Variants in NRP1 observed in about 807,000 individuals in gnomAD.
NRP1 encodes the protein neuropilin 1, also known as neuropilin-1.
NRP1 carries 35 observed loss-of-function variants against 106.7 expected under a neutral mutation model. The ratio of observed to expected loss-of-function variants is 0.33; its 90% CI spans 0.25 to 0.43. NRP1 has a LOEUF of 0.43. Among genes scored for constraint, NRP1 ranks in the 20% least tolerant of loss-of-function variants. The pLI, the probability that NRP1 is intolerant of heterozygous loss-of-function variation, is 1.00. For missense variants in NRP1, 1,024 were observed against 1,170.4 expected (o/e 0.87, Z 1.83); for synonymous variants, 437 against 417.9 (o/e 1.05, Z -0.56).
At chr10:33,180,529 G>A (rs1007122686) in intron 16 of NRP1, among the ~76,000 whole-genome samples, 164 bp from the exon 17 acceptor site, 48 of 152,306 alleles carry the variant, frequency 3.2e-4, no homozygotes, top group African/African-American at 1.1e-3. Flanking sequence ...TGGTAGAGGG[G>A]AGTGGGCGCT....
Position 33,221,730 on chromosome 10 carries a change from C to A in NRP1, c.1271G>T (p.Cys424Phe), listed in dbSNP as rs1839255099. ...GISMRFEVYG[C>F]KITDYPCSGM... Reference sequence around the variant, plus strand: ...CTTCCACAGCTTACCTGTTATCTTGCAACCGTATACTTCAAATCTCATAGA... The same window carrying A: ...CTTCCACAGCTTACCTGTTATCTTGAAACCGTATACTTCAAATCTCATAGA... Residue 424 changes from cysteine (C) to phenylalanine (F), a missense_variant, in exon 8 of 17, where the codon TGC (cysteine) becomes TTC (phenylalanine). This residue lies in a region of NRP1 where 562 missense variants were observed against 620.3 expected (regional missense o/e 0.91). Coordinates refer to ENST00000374867, the MANE Select transcript of NRP1 (RefSeq NM_003873.7). The A allele has an allele frequency of 6.2e-7, 1 of 1,613,714 alleles. No individual in the cohort carries two copies. The highest frequency in any genetic ancestry group is 8.5e-7 in the Non-Finnish European group (1 of 1,179,748).
chr10:33,180,415 T>C (rs746236647), intron 16 of NRP1, 50 bp from the exon 17 acceptor site: 29 of 1,506,772 alleles, frequency 1.9e-5, no homozygotes, highest in Middle Eastern at 1.8e-4. Flanking sequence ...ACAGACCAGA[T>C]GAAAGCAGAC....
chr10:33,213,279 G>A (rs753604367), intron 9 of NRP1, 107 bp downstream of exon 9: 31 of 1,613,128 alleles, frequency 1.9e-5, no homozygotes, highest in Middle Eastern at 1.6e-4. Flanking sequence ...CTCCTCTAAT[G>A]TCATGGCTGG....
intron 1 of NRP1, 119 bp from the exon 2 acceptor site, chr10:33,331,001 G>T (rs1848246954): frequency 2.6e-6 from 2 of 772,566 alleles, no homozygotes; most frequent in South Asian, 2.1e-5. Context: ...ACTCTAAAAG[G>T]TCCCCGTAAG....
chr10:33,274,742 G>A (rs990773872), intron 2 of NRP1, among the ~76,000 whole-genome samples: 18 of 152,278 alleles, frequency 1.2e-4, no homozygotes, highest in African/African-American at 3.9e-4. Flanking sequence ...TAGGAAGGGG[G>A]ATTTGAGGTG....
At chr10:33,180,624 C>T (rs1835626977) in intron 16 of NRP1, among the ~76,000 whole-genome samples, 1 of 152,222 alleles carries the variant, frequency 6.6e-6, no homozygotes, top group African/African-American at 2.4e-5. Context: ...ACTCAGATTT[C>T]ATGCAGCCCC....
chr10:33,253,916 A>G (rs1168545347), intron 6 of NRP1, 112 bp downstream of exon 6: 7 of 911,196 alleles, frequency 7.7e-6, no homozygotes, highest in South Asian at 1.9e-5. Flanking sequence ...ATGGCCGTGA[A>G]CCTATCTTCT....
intron 2 of NRP1, among the ~76,000 whole-genome samples, chr10:33,310,591 C>A (rs1007835077): frequency 6.6e-6 from 1 of 152,234 alleles, no homozygotes; most frequent in Admixed American, 6.5e-5. Context: ...ACTGTTCTTT[C>A]GGACCCAAAG....
intron 3 of NRP1, among the ~76,000 whole-genome samples, chr10:33,265,018 G>A (rs1382452513): frequency 6.6e-6 from 1 of 152,058 alleles, no homozygotes; most frequent in Admixed American, 6.5e-5. Context: ...GCTGAGACAG[G>A]AGAATTGCTT....
chr10:33,194,886 A>G (rs546122599), intron 12 of NRP1: 491 of 420,454 alleles, frequency 1.2e-3, no homozygotes, highest in Non-Finnish European at 1.9e-3. Context: ...GAGAGAAAAA[A>G]GCAAATTAAT....
At chr10:33,275,423 C>T (rs1588899133) in intron 2 of NRP1, among the ~76,000 whole-genome samples, 1 of 152,080 alleles carries the variant, frequency 6.6e-6, no homozygotes, top group East Asian at 1.9e-4. Flanking sequence ...AAAAAATTAG[C>T]CGGGCATGGT....
At chr10:33,184,010 CCTT>C (rs1835850035) in intron 15 of NRP1, among the ~76,000 whole-genome samples, 2 of 151,988 alleles carry the variant, frequency 1.3e-5, no homozygotes, top group Admixed American at 6.6e-5. Context: ...TTCCTTCCTT[CCTT>C]CTTTTTTCTT....
Position 33,282,663 on chromosome 10 carries a change from T to C in NRP1, c.249-11807A>G, listed in dbSNP as rs563132577. Among the ~76,000 whole-genome samples, 27 of 152,288 alleles carry C rather than the reference T, an allele frequency of 1.8e-4. No homozygotes were observed. The South Asian group carries it at 3.9e-3, about 22-fold the overall frequency. ...TTTCCTAAAAAAAGCAAAAAATAGT[T>C]GAAGAAAAATGGGTCTACTGACACC... On this transcript the variant is annotated intron_variant, in intron 2 of 16. Coordinates refer to ENST00000374867, the MANE Select transcript of NRP1 (RefSeq NM_003873.7).
chr10:33,321,178 G>T lies in NRP1; in HGVS notation c.248+9530C>A, dbSNP rs566094607. 6.6e-5 allele frequency among the ~76,000 whole-genome samples: 10 copies of T among 152,188 alleles called. No individual in the cohort carries two copies. In the South Asian group the frequency reaches 1.9e-3, roughly 28 times the overall value. Reference sequence around the variant, plus strand: ...ATTTTTGCATTTTTAGTAGAGACCGGGTTTCACCATATTGGCCAGGCTGGT... The same window carrying T: ...ATTTTTGCATTTTTAGTAGAGACCGTGTTTCACCATATTGGCCAGGCTGGT... On this transcript the variant is annotated intron_variant, in intron 2 of 16. Transcript: ENST00000374867.
At chr10:33,230,358 G>T (rs1840011745) in intron 6 of NRP1, among the ~76,000 whole-genome samples, 1 of 152,154 alleles carries the variant, frequency 6.6e-6, no homozygotes, top group African/African-American at 2.4e-5. Flanking sequence ...TGCCACTTTG[G>T]CATGAAGATT....
intron 11 of NRP1, chr10:33,201,461 G>A (rs1837299813): frequency 6.6e-6 from 1 of 152,204 alleles, no homozygotes; most frequent in African/African-American, 2.4e-5. Flanking sequence ...GTGTGACGGG[G>A]TCTGTAAAAA....
chr10:33,274,546 TA>T, intron 2 of NRP1, among the ~76,000 whole-genome samples: 1 of 152,136 alleles, frequency 6.6e-6, no homozygotes, highest in East Asian at 1.9e-4. Flanking sequence ...GCTTTATAGG[TA>T]TGTGGTGCTG....
At chr10:33,215,890 C>A (rs1838721923) in intron 8 of NRP1, among the ~76,000 whole-genome samples, 1 of 152,154 alleles carries the variant, frequency 6.6e-6, no homozygotes. Flanking sequence ...CCATTCACTC[C>A]TTTAACCAGT....
At chr10:33,275,592 A>G (rs1483302565) in intron 2 of NRP1, among the ~76,000 whole-genome samples, 2 of 151,670 alleles carry the variant, frequency 1.3e-5, no homozygotes, top group African/African-American at 4.8e-5. Context: ...AAACAACACC[A>G]ACCAAAAAAA....
Sources: allele counts gnomAD v4.1 joint callset (sites outside exome capture counted in the v4.1 genomes callset), GRCh38; gene constraint gnomAD v4.1.1; regional missense constraint gnomAD v4.1.1; transcripts MANE v1.5; gene names NCBI Gene and HGNC (gene_info 2026-07-23, HGNC 2026-07-21).